Variants in ASPM observed in about 807,000 individuals in gnomAD.
ASPM encodes the protein assembly factor for spindle microtubules.
In ASPM, 256 loss-of-function variants were observed where a neutral mutation model predicts 366.4. The observed-to-expected ratio is 0.70, with a 90% CI of 0.63 to 0.77. The LOEUF (loss-of-function observed/expected upper bound fraction) is 0.77, where lower values mean the gene tolerates loss of function less well. ASPM is among the 30% of genes least tolerant of loss of function. ASPM has a pLI of 0.00. For missense variants in ASPM, 4,146 were observed against 4,090.4 expected (o/e 1.01, Z -0.37); for synonymous variants, 1,414 against 1,342.9 (o/e 1.05, Z -1.16).
At chr1:197,126,935 T>C (rs1243306882) in intron 10 of ASPM, among the ~76,000 whole-genome samples, 1 of 152,176 alleles carries the variant, frequency 6.6e-6, no homozygotes, top group East Asian at 1.9e-4. Context: ...GTCTGAATAT[T>C]GGCAAGTTTT....
In ASPM at chr1:197,090,100, A is replaced by C. The variant is rs369987810; in HGVS notation, c.9830-16T>G. 5.2e-5 allele frequency: 83 copies of C among 1,610,946 alleles called. No homozygotes were observed. Among genetic ancestry groups the C allele is most frequent in the African/African-American group, 4.0e-4 (30 of 74,922 alleles). Reference sequence around the variant, plus strand: ...GTAACTACCTCTGAAAGAAAAAAAAAACACACACACACAGGTAAATTTACA... The same window carrying C: ...GTAACTACCTCTGAAAGAAAAAAAACACACACACACACAGGTAAATTTACA... On this transcript the variant is annotated splice_polypyrimidine_tract_variant and intron_variant, in intron 24 of 27. Transcript: ENST00000367409.
At position 197,103,658 on chromosome 1, in the gene ASPM, G is replaced by A; in HGVS notation, c.5593C>T (p.His1865Tyr). The A allele has an allele frequency of 6.2e-7, 1 of 1,612,876 alleles. No individual in the cohort carries two copies. The highest frequency in any genetic ancestry group is 1.1e-5 in the South Asian group (1 of 91,068). Residue 1865 changes from histidine (H) to tyrosine (Y), a missense_variant, in exon 18 of 28, where the codon CAT becomes TAT. Around this residue, in one of 3 missense-constraint regions of ASPM, gnomAD observed 3,624 missense variants for 3,591.7 expected, o/e 1.01. Transcript: ENST00000367409. ...QRWYRAYKTL[H>Y]DTRTHFLKTK... Reference sequence around the variant, plus strand: ...TTCAAAAAATGTGTTCTTGTATCATGAAGAGTCTTGTACGCCCTGTACCAT... The same window carrying A: ...TTCAAAAAATGTGTTCTTGTATCATAAAGAGTCTTGTACGCCCTGTACCAT...
rs1354755309 is a variant in ASPM, at chr1:197,104,419, A to G, written c.4832T>C (p.Ile1611Thr). 5 of 1,613,114 alleles carry G rather than the reference A, an allele frequency of 3.1e-6. No individual in the cohort carries two copies. Among genetic ancestry groups the G allele is most frequent in the East Asian group, 2.2e-5 (1 of 44,816 alleles). ...KYKKMKKAAV[I>T]IQTHFRAYIF... is the part of the protein sequence containing the mutation. ...ATAAGCTCGGAAATGAGTCTGAATTATAACAGCTGCTTTCTTCATCTTCTT... is the reference window on the plus strand; with the variant it reads ...ATAAGCTCGGAAATGAGTCTGAATTGTAACAGCTGCTTTCTTCATCTTCTT... The change falls in exon 18 of 28, where the codon ATA (isoleucine) becomes ACA (threonine). Residue 1611 changes from isoleucine (I) to threonine (T), a missense_variant. Transcript: ENST00000367409.
intron 18 of ASPM, among the ~76,000 whole-genome samples, chr1:197,098,234 A>G (rs538750950): frequency 6.6e-6 from 1 of 150,966 alleles, no homozygotes; most frequent in Admixed American, 6.6e-5. Flanking sequence ...ATATGTAAGT[A>G]TTTAGTAATG....
In ASPM at chr1:197,101,443, T is replaced by C. The variant is rs1395989282; in HGVS notation, c.7808A>G (p.Lys2603Arg). Reference sequence around the variant, plus strand: ...ACCTGCCTGAACACAAGTCTCTTTCTTAAGTTCATTGTGTTGAAATACTTT... The same window carrying C: ...ACCTGCCTGAACACAAGTCTCTTTCCTAAGTTCATTGTGTTGAAATACTTT... ...KQKVFQHNEL[K>R]KETCVQAGFQ... The change falls in exon 18 of 28, where the codon AAG becomes AGG. Residue 2603 changes from lysine (K) to arginine (R), a missense_variant. Transcript: ENST00000367409. The C allele has an allele frequency of 6.2e-7, 1 of 1,609,008 alleles. No homozygotes were observed. Among genetic ancestry groups the C allele is most frequent in the Admixed American group, 1.7e-5 (1 of 59,668 alleles).
intron 17 of ASPM, among the ~76,000 whole-genome samples, chr1:197,113,933 A>C (rs1046947762): frequency 2.0e-5 from 3 of 152,224 alleles, no homozygotes; most frequent in Non-Finnish European, 4.4e-5. Flanking sequence ...TTAAAAAGAC[A>C]ATTTCCAAAT....
intron 22 of ASPM, 30 bp downstream of exon 22, chr1:197,091,877 A>G: frequency 6.2e-7 from 1 of 1,602,588 alleles, no homozygotes; most frequent in Non-Finnish European, 8.5e-7. Context: ...AAATTATATC[A>G]TATAGTTTTA....
intron 16 of ASPM, 73 bp from the exon 17 acceptor site, chr1:197,118,056 C>A: frequency 7.1e-7 from 1 of 1,398,756 alleles, no homozygotes; most frequent in Non-Finnish European, 1.0e-6. Flanking sequence ...GTAAGATAAC[C>A]ATATGTTAAA....
At position 197,088,344 on chromosome 1, in the gene ASPM, C is replaced by T; in HGVS notation, c.10073G>A (p.Gly3358Asp). Reference sequence around the variant, plus strand: ...TCCGCCTTTGTCTGCAACTTTATTACCAGGCTTTTCTCGGTATATCTGCAA... The same window carrying T: ...TCCGCCTTTGTCTGCAACTTTATTATCAGGCTTTTCTCGGTATATCTGCAA... ...ELLQIYREKP[G>D]NKVADKGGSI... The change falls in exon 26 of 28, where the codon GGT becomes GAT. Residue 3358 changes from glycine to aspartate, a missense_variant. By Grantham distance (94) the Gly-to-Asp change is moderately conservative. Transcript: ENST00000367409. 6.2e-7 allele frequency: 1 copy of T among 1,613,080 alleles called. No homozygotes were observed. Among genetic ancestry groups the T allele is most frequent in the Non-Finnish European group, 8.5e-7 (1 of 1,179,438 alleles).
Position 197,105,006 on chromosome 1 carries a change from T to C in ASPM, c.4245A>G (p.Gln1415=), listed in dbSNP as rs1657365002. The change falls in exon 18 of 28, where the codon CAA becomes CAG. Residue 1415 remains glutamine, a synonymous_variant. Transcript: ENST00000367409. Reference sequence around the variant, plus strand: ...TTGATGATTTTAGCATTTCATATCTTTGTTGATCTTGTTTTCTTCTTAAAT... The same window carrying C: ...TTGATGATTTTAGCATTTCATATCTCTGTTGATCTTGTTTTCTTCTTAAAT... The part of the protein sequence containing the change: ...RAYLRRKQDQ[Q]RYEMLKSSTL... The C allele has an allele frequency of 3.7e-6, 6 of 1,611,044 alleles. No individual in the cohort carries two copies. In the East Asian group the frequency reaches 8.9e-5, roughly 24 times the overall value.
At position 197,125,153 on chromosome 1, in the gene ASPM, G is replaced by C; in HGVS notation, c.2975C>G (p.Ser992Ter). The C allele has an allele frequency of 6.2e-7, 1 of 1,613,986 alleles. No individual in the cohort carries two copies. The highest frequency in any genetic ancestry group is 8.5e-7 in the Non-Finnish European group (1 of 1,179,918). ...MELLTQNWDLSKKLRIPAISR... is the reference protein window; with the variant it reads ...MELLTQNWDL ...TATTGCCGGAATCCTGAGTTTCTTT[G>C]AGAGGTCCCAGTTCTGTGTGAGAAG... Residue 992 changes from serine (S) to a stop codon, truncating the protein, a stop_gained, in exon 11 of 28, where the codon TCA (serine) becomes TGA (stop). Transcript: ENST00000367409. LOFTEE classifies it high-confidence loss of function.
chr1:197,146,430 T>G lies in ASPM; in HGVS notation c.8A>C (p.Asn3Thr), dbSNP rs774358340. The stretch of plus-strand genomic sequence containing the variant: ...CCAGCAGCCTCGCCCCACTCGCCGG[T>G]TCGCCATGGCAGATTCGAGACCCCT... The part of the protein sequence containing the change: MA[N>T]RRVGRGCWEV... The change falls in exon 1 of 28, where the codon AAC becomes ACC. Residue 3 changes from asparagine to threonine, a missense_variant. Transcript: ENST00000367409. 6.2e-7 allele frequency: 1 copy of G among 1,607,442 alleles called. No individual in the cohort carries two copies. The highest frequency in any genetic ancestry group is 8.5e-7 in the Non-Finnish European group (1 of 1,179,334).
intron 4 of ASPM, among the ~76,000 whole-genome samples, chr1:197,136,295 A>G (rs1658418423): frequency 6.6e-6 from 1 of 152,228 alleles, no homozygotes; most frequent in South Asian, 2.1e-4. Flanking sequence ...ATAAGTAAAT[A>G]ACCAAGCTAT....
intron 11 of ASPM, 43 bp downstream of exon 11, chr1:197,125,003 T>C (rs1282732518): frequency 6.2e-7 from 1 of 1,608,796 alleles, no homozygotes; most frequent in South Asian, 1.1e-5. Context: ...CACATATCAA[T>C]ATTCAGTGAG....
At chr1:197,145,853 T>G (rs1041197870) in intron 1 of ASPM, among the ~76,000 whole-genome samples, 1 of 83,176 alleles carries the variant, frequency 1.2e-5, no homozygotes, top group Non-Finnish European at 3.1e-5. Context: ...AGAATATATA[T>G]ATATATATAT....
At chr1:197,132,429 A>C in intron 6 of ASPM, 77 bp from the exon 7 acceptor site, 1 of 1,231,862 alleles carries the variant, frequency 8.1e-7, no homozygotes, top group Non-Finnish European at 1.2e-6. Context: ...CAAGGAGAGT[A>C]TATCAGTGGG....
intron 17 of ASPM, among the ~76,000 whole-genome samples, chr1:197,111,054 A>G (rs894411413): frequency 3.3e-5 from 5 of 152,142 alleles, no homozygotes; most frequent in Non-Finnish European, 7.4e-5. Context: ...AAAGTCCCCA[A>G]AAGCAATTGC....
intron 19 of ASPM, among the ~76,000 whole-genome samples, chr1:197,094,764 A>G (rs1656914943): frequency 6.6e-6 from 1 of 151,762 alleles, no homozygotes. Context: ...AAATGTGAGA[A>G]TGGACAGGTT....
In ASPM at chr1:197,119,808, G is replaced by A. The variant is rs1433197674; in HGVS notation, c.3871-1825C>T. On this transcript the variant is annotated intron_variant, in intron 16 of 27. Transcript: ENST00000367409. ...AGGGGATGCTTCAATAGTTCATCAG[G>A]TAATTTTAGCTACTTGACAAAGTTT... is the stretch of plus-strand genomic sequence containing the variant. Among the ~76,000 whole-genome samples the A allele has an allele frequency of 2.0e-5, 3 of 152,146 alleles. No homozygotes were observed. In the East Asian group the frequency reaches 5.8e-4, roughly 29 times the overall value.
Sources: allele counts gnomAD v4.1 joint callset (sites outside exome capture counted in the v4.1 genomes callset), GRCh38; gene constraint gnomAD v4.1.1; regional missense constraint gnomAD v4.1.1; transcripts MANE v1.5; gene names NCBI Gene and HGNC (gene_info 2026-07-23, HGNC 2026-07-21).